NYAP2: variants seen among roughly 807,000 people sequenced by gnomAD.
NYAP2 encodes the protein neuronal tyrosine-phosphorylated phosphoinositide-3-kinase adapter 2.
In NYAP2, 23 loss-of-function variants were observed where a neutral mutation model predicts 50.4. That is an observed-to-expected ratio of 0.46 (90% CI 0.33 to 0.65). The LOEUF (loss-of-function observed/expected upper bound fraction) is 0.65. NYAP2 is among the 30% of genes least tolerant of loss of function. The pLI, the probability that NYAP2 is intolerant of heterozygous loss-of-function variation, is 0.02. For missense variants in NYAP2, 885 were observed against 861.0 expected (o/e 1.03, Z -0.35); for synonymous variants, 394 against 365.2 (o/e 1.08, Z -0.90).
chr2:225,622,518 CTTCTTTCT>C (rs1553557351), intron 5 of NYAP2, among the ~76,000 whole-genome samples: 13 of 70,396 alleles, frequency 1.8e-4, no homozygotes, highest in African/African-American at 4.6e-4. Flanking sequence ...TTCTTTCTTT[CTTCTTTCT>C]TTCTTTCTTT....
chr2:225,645,080 T>G (rs1043120311), intron 6 of NYAP2, among the ~76,000 whole-genome samples: 2 of 152,088 alleles, frequency 1.3e-5, no homozygotes. Context: ...GCCAACATGG[T>G]GAAACCCTGT....
intron 4 of NYAP2, among the ~76,000 whole-genome samples, chr2:225,544,221 GT>G (rs796586708): frequency 0.053 from 7,432 of 141,012 alleles, 555 homozygotes; most frequent in African/African-American, 0.17. Context: ...ATGATTGGGT[GT>G]TTTTTTTTTT....
intron 4 of NYAP2, among the ~76,000 whole-genome samples, chr2:225,551,417 A>G (rs13397078): frequency 0.22 from 33,962 of 152,118 alleles, 3,796 homozygotes; most frequent in African/African-American, 0.25. Flanking sequence ...AGGTTGGAAG[A>G]CCTCTTCCAA....
intron 5 of NYAP2, among the ~76,000 whole-genome samples, chr2:225,595,918 C>T (rs1341328062): frequency 6.6e-6 from 1 of 152,202 alleles, no homozygotes; most frequent in African/African-American, 2.4e-5. Context: ...CCCAGAGTTA[C>T]ATGAGGCTTC....
At position 225,540,728 on chromosome 2, in the gene NYAP2, A is replaced by T. The variant is rs373473679; in HGVS notation, c.523+27056A>T. 5.9e-5 allele frequency among the ~76,000 whole-genome samples: 9 copies of T among 152,318 alleles called. No homozygotes were observed. The East Asian group carries it at 1.7e-3, about 29-fold the overall frequency. Reference sequence around the variant, plus strand: ...TTACTTCCAAATCTTGGCTGTTGTGAGTAGTGCTGCAAGAAACATGGGAGT... The same window carrying T: ...TTACTTCCAAATCTTGGCTGTTGTGTGTAGTGCTGCAAGAAACATGGGAGT... On this transcript the variant is annotated intron_variant, in intron 4 of 6. Transcript: ENST00000636099.
the NYAP2 span, among the ~76,000 whole-genome samples, chr2:225,673,537 C>A: frequency 6.6e-6 from 1 of 152,070 alleles, no homozygotes; most frequent in Non-Finnish European, 1.5e-5. Context: ...GTAACAATTT[C>A]TTTAGAAAAA....
downstream of NYAP2, among the ~76,000 whole-genome samples, chr2:225,658,255 A>G (rs1574735840): frequency 6.6e-6 from 1 of 150,750 alleles, no homozygotes; most frequent in East Asian, 2.0e-4. Flanking sequence ...TTCCTTCTGC[A>G]TACATGTCAA....
At chr2:225,660,915 A>G in the NYAP2 span, among the ~76,000 whole-genome samples, 2 of 152,210 alleles carry the variant, frequency 1.3e-5, no homozygotes, top group Non-Finnish European at 2.9e-5. Context: ...CTGATCTCAG[A>G]GTGCTATGCA....
At chr2:225,571,400 A>G (rs1692070564) in intron 4 of NYAP2, among the ~76,000 whole-genome samples, 1 of 152,236 alleles carries the variant, frequency 6.6e-6, no homozygotes, top group South Asian at 2.1e-4. Flanking sequence ...CTTCTTCAGC[A>G]AACTTCTGCC....
At chr2:225,488,352 A>G (rs73091705) in intron 3 of NYAP2, among the ~76,000 whole-genome samples, 3,249 of 152,296 alleles carry the variant, frequency 0.021, 90 homozygotes, top group African/African-American at 0.073. Context: ...TCACATAAAC[A>G]TAACAGAATC....
intron 3 of NYAP2, among the ~76,000 whole-genome samples, chr2:225,494,115 A>G (rs775182143): frequency 2.6e-5 from 4 of 152,252 alleles, no homozygotes; most frequent in Non-Finnish European, 5.9e-5. Context: ...AACACATCAC[A>G]TAAAATGTAT....
At chr2:225,446,214 C>CTGTT in intron 3 of NYAP2, among the ~76,000 whole-genome samples, 1 of 62,674 alleles carries the variant, frequency 1.6e-5, no homozygotes, top group East Asian at 4.5e-4. Flanking sequence ...GTCTGTCTGT[C>CTGTT]TGTCTCTCTC....
the NYAP2 span, among the ~76,000 whole-genome samples, chr2:225,689,963 G>C: frequency 6.6e-6 from 1 of 151,954 alleles, no homozygotes; most frequent in Admixed American, 6.6e-5. Flanking sequence ...ATCAAATTCC[G>C]GCCAATGGAA....
upstream of NYAP2, among the ~76,000 whole-genome samples, chr2:225,398,249 A>C (rs1480575498): frequency 6.6e-6 from 1 of 152,022 alleles, no homozygotes; most frequent in Non-Finnish European, 1.5e-5. Context: ...TAATGAGGCA[A>C]TTAAGTAAGT....
intron 3 of NYAP2, among the ~76,000 whole-genome samples, chr2:225,456,113 C>T (rs1249703883): frequency 1.3e-5 from 2 of 152,206 alleles, no homozygotes; most frequent in African/African-American, 4.8e-5. Flanking sequence ...AGATGAAAGA[C>T]ATTTGTCACA....
At position 225,416,814 on chromosome 2, in the gene NYAP2, G is replaced by A. The variant is rs1490048652; in HGVS notation, c.221+7713G>A. Among the ~76,000 whole-genome samples the A allele has an allele frequency of 2.0e-5, 3 of 152,126 alleles. No individual in the cohort carries two copies. The East Asian group carries it at 5.8e-4, about 29-fold the overall frequency. On this transcript the variant is annotated intron_variant, in intron 3 of 6. Transcript: ENST00000636099. ...AATAAATAGACAGATGTTGGCAAGAGGAGGGGCCTTTCAGAACAGAGCCCC... is the reference window on the plus strand; with the variant it reads ...AATAAATAGACAGATGTTGGCAAGAAGAGGGGCCTTTCAGAACAGAGCCCC...
chr2:225,510,631 T>G (rs1036756319), intron 3 of NYAP2, among the ~76,000 whole-genome samples: 6 of 152,210 alleles, frequency 3.9e-5, no homozygotes, highest in African/African-American at 1.2e-4. Context: ...TCCCTAGCCT[T>G]GACTTGAACA....
intron 3 of NYAP2, among the ~76,000 whole-genome samples, chr2:225,430,651 G>T (rs1030741801): frequency 5.3e-5 from 8 of 152,092 alleles, no homozygotes; most frequent in South Asian, 2.1e-4. Flanking sequence ...AGGCCCAAGT[G>T]CTCAGTTATT....
In NYAP2 at chr2:225,451,054, G is replaced by A. The variant is rs781285431; in HGVS notation, c.221+41953G>A. ...GGGACTTAATGCTAAATAGTAAAAC[G>A]CATAAATTACTACTGCAGGCCATAA... is the stretch of plus-strand genomic sequence containing the variant. On this transcript the variant is annotated intron_variant, in intron 3 of 6. Coordinates refer to ENST00000636099, the Ensembl canonical transcript of NYAP2. Among the ~76,000 whole-genome samples, 6 of 152,160 alleles carry A rather than the reference G, an allele frequency of 3.9e-5. No homozygotes were observed. The East Asian group carries it at 5.8e-4, about 15-fold the overall frequency.
Sources: allele counts gnomAD v4.1 joint callset (sites outside exome capture counted in the v4.1 genomes callset), GRCh38; gene constraint gnomAD v4.1.1; transcripts MANE v1.5; gene names NCBI Gene and HGNC (gene_info 2026-07-23, HGNC 2026-07-21).